Variants in HSPA9 observed in about 807,000 individuals in gnomAD.
HSPA9 encodes the protein heat shock protein family A (Hsp70) member 9.
HSPA9 carries 28 observed loss-of-function variants against 81.5 expected under a neutral mutation model. The observed-to-expected ratio is 0.34, with a 90% confidence interval of 0.25 to 0.47. The LOEUF is 0.47. Ranked by LOEUF, HSPA9 falls within the 20% of genes least tolerant of loss-of-function variation. The probability of loss-of-function intolerance (pLI) is 1.00; values close to 1 mark genes in which losing one functional copy is unlikely to be tolerated. For synonymous variants in HSPA9, 293 were observed against 290.4 expected, an observed-to-expected ratio of 1.01 and a Z score of -0.09; for missense variants, 678 against 838.0, an observed-to-expected ratio of 0.81 and a Z score of 2.36.
chr5:138,557,548 C>T, intron 13 of HSPA9, 52 bp from the exon 14 acceptor site: 2 of 1,057,848 alleles, frequency 1.9e-6, no homozygotes, highest in Non-Finnish European at 2.9e-6. Context: ...TTATATGCCT[C>T]TTCTTCCTCC....
At position 138,574,048 on chromosome 5, in the gene HSPA9, G is replaced by C. The variant is rs748295677; in HGVS notation, c.140+20C>G. ...AGTTTAATATGTATTCCCTCTCAAAGGAAATGATATTATACTTACGCATAA... is the reference window on the plus strand; with the variant it reads ...AGTTTAATATGTATTCCCTCTCAAACGAAATGATATTATACTTACGCATAA... On this transcript the variant is annotated intron_variant, in intron 2 of 16. Coordinates refer to ENST00000297185, the MANE Select transcript of HSPA9 (RefSeq NM_004134.7). The C allele has an allele frequency of 6.3e-7, 1 of 1,595,426 alleles. No homozygotes were observed. The highest frequency in any genetic ancestry group is 8.6e-7 in the Non-Finnish European group (1 of 1,163,184).
chr5:138,559,987 G>A lies in HSPA9; in HGVS notation c.1287C>T (p.Ala429=), dbSNP rs767209314. ...GGAGCAGCACATCCGTGACATCGCCGGCCAACACACCTCCCTGAATGGCAG... is the reference window on the plus strand; with the variant it reads ...GGAGCAGCACATCCGTGACATCGCCAGCCAACACACCTCCCTGAATGGCAG... ...IGAAIQGGVL[A]GDVTDVLLLD... is the part of the protein sequence containing the mutation. Residue 429 remains alanine (A), a synonymous_variant, in exon 11 of 17, where the codon GCC becomes GCT. Coordinates refer to ENST00000297185, the MANE Select transcript of HSPA9 (RefSeq NM_004134.7). 1.1e-5 allele frequency: 18 copies of A among 1,614,038 alleles called. No individual in the cohort carries two copies. Among genetic ancestry groups the A allele is most frequent in the East Asian group, 2.2e-5 (1 of 44,864 alleles).
At chr5:138,560,844 G>A (rs765917575) in intron 10 of HSPA9, 21 of 431,178 alleles carry the variant, frequency 4.9e-5, no homozygotes, top group Admixed American at 1.4e-4. Flanking sequence ...CACTGTACCC[G>A]GCCTCGGGGA....
intron 11 of HSPA9, 77 bp from the exon 12 acceptor site, chr5:138,558,734 G>A: frequency 1.1e-6 from 1 of 924,068 alleles, no homozygotes; most frequent in Non-Finnish European, 1.8e-6. Flanking sequence ...GAAAGCCAAA[G>A]GTTTACATTC....
At chr5:138,557,838 C>G (rs746428354) in intron 13 of HSPA9, 31 bp downstream of exon 13, 1 of 1,363,922 alleles carries the variant, frequency 7.3e-7, no homozygotes, top group East Asian at 2.3e-5. Flanking sequence ...CCTCACCTCA[C>G]TCTTAGGGTC....
chr5:138,564,232 T>TA (rs1199536599), intron 9 of HSPA9, among the ~76,000 whole-genome samples: 44 of 152,170 alleles, frequency 2.9e-4, no homozygotes, highest in African/African-American at 1.0e-3. Flanking sequence ...GCCTACTGAG[T>TA]AGCTGGGATT....
At chr5:138,573,698 T>G in intron 3 of HSPA9, 65 bp downstream of exon 3, 1 of 623,736 alleles carries the variant, frequency 1.6e-6, no homozygotes, top group Non-Finnish European at 2.9e-6. Flanking sequence ...ATTCCTTAAC[T>G]AAGGAAAAGA....
chr5:138,564,289 A>T (rs1487448329), intron 9 of HSPA9, among the ~76,000 whole-genome samples: 1 of 152,114 alleles, frequency 6.6e-6, no homozygotes, highest in Non-Finnish European at 1.5e-5. Context: ...TTTTTAGTAG[A>T]GACACGGTTT....
In HSPA9 at chr5:138,575,322, G is replaced by A. The variant is rs747863732; in HGVS notation, c.-4C>T. 5.0e-6 allele frequency: 8 copies of A among 1,610,544 alleles called. No homozygotes were observed. Among genetic ancestry groups the A allele is most frequent in the South Asian group, 4.4e-5 (4 of 90,794 alleles). On this transcript the variant is annotated 5_prime_UTR_variant, in exon 1 of 17. Coordinates refer to ENST00000297185, the MANE Select transcript of HSPA9 (RefSeq NM_004134.7). ...CAGCTCGGCTGGCACTTATCATGGCGGATAAATGGAGGAGTACGAGGCAGC... is the reference window on the plus strand; with the variant it reads ...CAGCTCGGCTGGCACTTATCATGGCAGATAAATGGAGGAGTACGAGGCAGC...
intron 9 of HSPA9, among the ~76,000 whole-genome samples, chr5:138,565,707 G>A (rs990625496): frequency 6.6e-6 from 1 of 152,090 alleles, no homozygotes; most frequent in Non-Finnish European, 1.5e-5. Flanking sequence ...TTTCTAGACT[G>A]GTGATTCAAA....
At chr5:138,570,169 G>C (rs1281854504) in intron 4 of HSPA9, among the ~76,000 whole-genome samples, 1 of 151,844 alleles carries the variant, frequency 6.6e-6, no homozygotes, top group East Asian at 2.0e-4. Flanking sequence ...CGAGCCTCTA[G>C]TATGTCTATT....
intron 4 of HSPA9, among the ~76,000 whole-genome samples, chr5:138,569,415 C>G (rs1750830578): frequency 2.0e-5 from 3 of 152,148 alleles, no homozygotes; most frequent in Admixed American, 2.0e-4. Flanking sequence ...TATTTATGTC[C>G]ACACAAAAAC....
At position 138,567,006 on chromosome 5, in the gene HSPA9, T is replaced by C. The variant is rs1750782512; in HGVS notation, c.874A>G (p.Arg292Gly). 1 of 1,612,656 alleles carries C rather than the reference T, an allele frequency of 6.2e-7. No homozygotes were observed. Among genetic ancestry groups the C allele is most frequent in the African/African-American group, 1.3e-5 (1 of 74,884 alleles). The change falls in exon 8 of 17, where the codon AGA becomes GGA. Residue 292 changes from arginine to glycine, a missense_variant. Physicochemically the swap from Arg to Gly is moderately radical, Grantham distance 125. Transcript: ENST00000297185. ...TAACCACATTGGTAACTCACCTCTC[T>C]CTTGAACTCCTTCACAATGTGCCGT... ...LLRHIVKEFKRETGVDLTKDN... is the reference protein window; with the variant it reads ...LLRHIVKEFKGETGVDLTKDN...
chr5:138,571,004 A>G lies in HSPA9; in HGVS notation c.366T>C (p.Arg122=). ...NPNNTFYATK[R]LIGRRYDDPE... is the part of the protein sequence containing the mutation. ...GATCATCATATCGCCGGCCAATGAG[A>G]CGCTTGGTAGCATAAAATGTATTGT... Residue 122 remains arginine (R), a synonymous_variant, in exon 4 of 17, where the codon CGT becomes CGC. Coordinates refer to ENST00000297185, the MANE Select transcript of HSPA9 (RefSeq NM_004134.7). 1.2e-6 allele frequency: 2 copies of G among 1,614,078 alleles called. No homozygotes were observed. Among genetic ancestry groups the G allele is most frequent in the Non-Finnish European group, 1.7e-6 (2 of 1,180,022 alleles).
intron 9 of HSPA9, among the ~76,000 whole-genome samples, chr5:138,562,615 G>A (rs1002530522): frequency 1.3e-5 from 2 of 152,092 alleles, no homozygotes; most frequent in Non-Finnish European, 1.5e-5. Flanking sequence ...TTTTAATAAA[G>A]TTTATAGTTA....
Position 138,561,732 on chromosome 5 carries a change from T to C in HSPA9, c.1030A>G (p.Met344Val). The C allele has an allele frequency of 6.8e-6, 11 of 1,614,186 alleles. No individual in the cohort carries two copies. Among genetic ancestry groups the C allele is most frequent in the South Asian group, 1.1e-5 (1 of 91,090 alleles). The change falls in exon 10 of 17, where the codon ATG becomes GTG. Residue 344 changes from methionine (M) to valine (V), a missense_variant. Transcript: ENST00000297185. ...TCAAATTGAGCACGGGTCAACTTCA[T>C]ATTCAAATGCTTGGGTCCAGAAGAA... ...MDSSGPKHLN[M>V]KLTRAQFEGI... is the part of the protein sequence containing the mutation.
chr5:138,573,846 C>T lies in HSPA9; in HGVS notation c.145G>A (p.Glu49Lys), dbSNP rs1159773684. ...RLVSRRDYAS[E>K]AIKGAVVGID... is the part of the protein sequence containing the mutation. ...CCAACAACTGCTCCCTTGATTGCTT[C>T]TGATCTGTAAGACATTTAGAACAGT... The change falls in exon 3 of 17, where the codon GAA becomes AAA. Residue 49 changes from glutamate (E) to lysine (K), a missense_variant. By Grantham distance (56) the Glu-to-Lys change is moderately conservative. Transcript: ENST00000297185. 14 of 1,610,968 alleles carry T rather than the reference C, an allele frequency of 8.7e-6. No individual in the cohort carries two copies. Among genetic ancestry groups the T allele is most frequent in the African/African-American group, 1.3e-5 (1 of 74,822 alleles).
chr5:138,556,465 A>G lies in HSPA9; in HGVS notation c.1949T>C (p.Met650Thr). ...CAGCCCTTGTACCTTTTTGTATGCC[A>G]TTTCGAACAGCTTCAGTGATGCCTG... ...LQQASLKLFE[M>T]AYKKMASERE... is the part of the protein sequence containing the mutation. The change falls in exon 16 of 17, where the codon ATG becomes ACG. Residue 650 changes from methionine to threonine, a missense_variant. Physicochemically the swap from Met to Thr is moderately conservative, Grantham distance 81 (BLOSUM62 -1). Coordinates refer to ENST00000297185, the MANE Select transcript of HSPA9 (RefSeq NM_004134.7). 1 of 1,613,674 alleles carries G rather than the reference A, an allele frequency of 6.2e-7. No individual in the cohort carries two copies. The highest frequency in any genetic ancestry group is 1.1e-5 in the South Asian group (1 of 91,036).
chr5:138,556,318 G>T, intron 16 of HSPA9, 134 bp downstream of exon 16: 1 of 1,205,738 alleles, frequency 8.3e-7, no homozygotes, highest in Non-Finnish European at 1.2e-6. Flanking sequence ...AGTCAAGACG[G>T]CAGGAGACTA....
Sources: gnomAD v4.1 joint callset for allele counts (sites outside exome capture counted in the v4.1 genomes callset) on GRCh38, gnomAD v4.1.1 for gene constraint, MANE v1.5 for transcripts, NCBI Gene and HGNC (gene_info 2026-07-23, HGNC 2026-07-21) for gene names.